FRMPD4: variants seen among roughly 807,000 people sequenced by gnomAD.
FRMPD4 encodes the protein FERM and PDZ domain-containing protein 4.
A neutral mutation model predicts 94.1 loss-of-function variants in FRMPD4; 22 were observed. The ratio of observed to expected loss-of-function variants is 0.23; its 90% CI spans 0.17 to 0.33. FRMPD4 has a LOEUF of 0.33. Ranked by LOEUF, FRMPD4 falls within the 10% of genes least tolerant of loss-of-function variation. The pLI, the probability that FRMPD4 is intolerant of heterozygous loss-of-function variation, is 1.00. For missense variants in FRMPD4, 1,111 were observed against 1,339.9 expected (o/e 0.83, Z 2.67); for synonymous variants, 631 against 548.6 (o/e 1.15, Z -2.10).
intron 1 of FRMPD4, among the ~76,000 whole-genome samples, chrX:12,474,930 G>GA (rs1375186448): frequency 1.8e-5 from 2 of 111,586 alleles, no homozygotes; most frequent in Non-Finnish European, 3.8e-5. Context: ...CCAATCAATA[G>GA]AAAAAGAGGG....
At chrX:12,151,332 C>T (rs762213146) in intron 1 of FRMPD4, among the ~76,000 whole-genome samples, 7 of 111,262 alleles carry the variant, frequency 6.3e-5, no homozygotes, top group South Asian at 7.6e-4. Context: ...GAGGGTTATA[C>T]GTGAGGGGGT....
At chrX:11,842,865 G>T (rs1223950695) in intron 1 of FRMPD4, among the ~76,000 whole-genome samples, 1 of 107,791 alleles carries the variant, frequency 9.3e-6, no homozygotes, top group African/African-American at 3.4e-5. Flanking sequence ...TGCCCATTCA[G>T]TATGATATTG....
intron 1 of FRMPD4, among the ~76,000 whole-genome samples, chrX:12,284,525 G>A (rs2054571873): frequency 8.9e-6 from 1 of 111,746 alleles, no homozygotes; most frequent in Non-Finnish European, 1.9e-5. Flanking sequence ...CAGGGGTTAG[G>A]AAAGCTGAAA....
chrX:12,668,348 CAT>C (rs1421913520), intron 4 of FRMPD4, among the ~76,000 whole-genome samples: 1 of 111,053 alleles, frequency 9.0e-6, no homozygotes, highest in Non-Finnish European at 1.9e-5. Flanking sequence ...TGATAAATAA[CAT>C]ATTGGAATAT....
chrX:12,437,613 T>C (rs910872234), intron 1 of FRMPD4, among the ~76,000 whole-genome samples: 44 of 111,598 alleles, frequency 3.9e-4, no homozygotes, highest in African/African-American at 1.3e-3. Flanking sequence ...ACTTTTTCAG[T>C]TTTACTCAGC....
intron 1 of FRMPD4, among the ~76,000 whole-genome samples, chrX:12,382,296 G>GAAAT (rs2056327919): frequency 8.9e-6 from 1 of 111,812 alleles, no homozygotes; most frequent in African/African-American, 3.3e-5. Context: ...GGGTGACCCA[G>GAAAT]AAATAGAGGA....
rs188983301 is a variant in FRMPD4, at chrX:11,916,762, G to A, written c.95+38744G>A. Among the ~76,000 whole-genome samples, 377 of 111,615 alleles carry A rather than the reference G, an allele frequency of 3.4e-3. 1 individual carries two copies. Among genetic ancestry groups the A allele is most frequent in the Non-Finnish European group, 3.7e-3 (196 of 53,079 alleles). The stretch of plus-strand genomic sequence containing the variant: ...GTTGTGATTCCATAAGGAGGGGACT[G>A]GGCAGTGTCTATACCATGAAGAGGG... On this transcript the variant is annotated intron_variant, in intron 3 of 18. Transcript: ENST00000640291.
At chrX:12,650,030 G>A (rs1250665894) in intron 4 of FRMPD4, among the ~76,000 whole-genome samples, 3 of 112,964 alleles carry the variant, frequency 2.7e-5, no homozygotes, top group African/African-American at 9.6e-5. Context: ...CTGGAGGCAC[G>A]TGGGTGAATC....
rs200474394 is a variant in FRMPD4 at position 12,383,150 on chromosome X, G to GATT, written c.42-115526_42-115524dup. ...ACCTAATAAATATTTACAAAGCTGA[G>GATT]ATTATTTCAAAAAAACATAGGCATG... is the stretch of plus-strand genomic sequence containing the variant. On this transcript the variant is annotated intron_variant, in intron 1 of 16. Transcript: ENST00000675598. Among the ~76,000 whole-genome samples the GATT allele has an allele frequency of 3.4e-3, 382 of 112,097 alleles. 2 individuals are homozygous for GATT. The highest frequency in any genetic ancestry group is 0.012 in the African/African-American group (370 of 30,853).
intron 1 of FRMPD4, among the ~76,000 whole-genome samples, chrX:12,337,794 AAAT>A (rs767066286): frequency 8.9e-5 from 10 of 112,626 alleles, no homozygotes; most frequent in Non-Finnish European, 1.7e-4. Context: ...TAGCTTCATA[AAAT>A]AATATTATTT....
intron 1 of FRMPD4, among the ~76,000 whole-genome samples, chrX:12,348,878 C>G (rs5979606): frequency 0.2 from 22,319 of 111,475 alleles, 2,029 homozygotes; most frequent in Admixed American, 0.35. Flanking sequence ...AGCAAAAACT[C>G]CATGTTTAAT....
chrX:12,095,809 G>A (rs2147502503), intron 3 of FRMPD4, among the ~76,000 whole-genome samples: 1 of 112,330 alleles, frequency 8.9e-6, no homozygotes, highest in South Asian at 3.7e-4. Context: ...TCATGCACAT[G>A]ACAACACTTC....
intron 4 of FRMPD4, among the ~76,000 whole-genome samples, chrX:12,623,534 T>C (rs12860185): frequency 0.11 from 7,357 of 68,136 alleles, 815 homozygotes; most frequent in African/African-American, 0.27. Flanking sequence ...ATACCATCAA[T>C]TGAATGAATA....
intron 1 of FRMPD4, among the ~76,000 whole-genome samples, chrX:12,202,419 C>T (rs1393113007): frequency 2.7e-5 from 3 of 111,796 alleles, no homozygotes; most frequent in East Asian, 5.6e-4. Context: ...ATTCTGCCCT[C>T]GGAATAACAT....
chrX:11,900,480 TCC>T (rs2147328709), intron 3 of FRMPD4, among the ~76,000 whole-genome samples: 1 of 111,840 alleles, frequency 8.9e-6, no homozygotes, highest in African/African-American at 3.2e-5. Context: ...CAAGGGGTCG[TCC>T]CCTCTTTCTT....
chrX:12,151,938 A>G (rs1028523217), intron 1 of FRMPD4, among the ~76,000 whole-genome samples: 1 of 111,781 alleles, frequency 8.9e-6, no homozygotes, highest in Non-Finnish European at 1.9e-5. Context: ...GTATTTCAAA[A>G]CCCATAAAAG....
chrX:12,367,111 A>G (rs2056094349), intron 1 of FRMPD4, among the ~76,000 whole-genome samples: 1 of 112,169 alleles, frequency 8.9e-6, no homozygotes, highest in African/African-American at 3.2e-5. Context: ...CAGGTGAAAC[A>G]GCAGAGACAT....
chrX:12,247,716 A>G (rs985708256), intron 1 of FRMPD4, among the ~76,000 whole-genome samples: 1 of 112,051 alleles, frequency 8.9e-6, no homozygotes, highest in East Asian at 2.8e-4. Context: ...AATTTGTTAA[A>G]CAAAATTGAT....
chrX:12,494,923 C>A, intron 1 of FRMPD4: 1 of 288,925 alleles, frequency 3.5e-6, no homozygotes, highest in Non-Finnish European at 4.7e-6. Context: ...ATTTTTAAGG[C>A]TGAGCTAAGC....
Sources: allele counts gnomAD v4.1 joint callset (sites outside exome capture counted in the v4.1 genomes callset), GRCh38; gene constraint gnomAD v4.1.1; transcripts MANE v1.5; gene names NCBI Gene and HGNC (gene_info 2026-07-23, HGNC 2026-07-21).